CNTNAP5: variants seen among roughly 807,000 people sequenced by gnomAD.
CNTNAP5 encodes the protein contactin associated protein family member 5, also known as contactin-associated protein-like 5.
In CNTNAP5, 72 loss-of-function variants were observed where a neutral mutation model predicts 150.2. The ratio of observed to expected loss-of-function variants is 0.48; its 90% confidence interval spans 0.40 to 0.58. CNTNAP5 has a LOEUF of 0.58. Ranked by LOEUF, CNTNAP5 falls within the 20% of genes least tolerant of loss-of-function variation. The pLI is 0.00. For synonymous variants in CNTNAP5, 672 were observed against 619.8 expected, an observed-to-expected ratio of 1.08 and a Z score of -1.25; for missense variants, 1,636 against 1,626.2, an observed-to-expected ratio of 1.01 and a Z score of -0.10.
chr2:124,331,325 G>T (rs1183145137), intron 3 of CNTNAP5, among the ~76,000 whole-genome samples: 1 of 152,010 alleles, frequency 6.6e-6, no homozygotes, highest in Non-Finnish European at 1.5e-5. Context: ...CCAAAATTAT[G>T]ACTGATAACA....
At chr2:124,113,989 C>G (rs1222942469) in intron 1 of CNTNAP5, among the ~76,000 whole-genome samples, 1 of 151,828 alleles carries the variant, frequency 6.6e-6, no homozygotes, top group Admixed American at 6.6e-5. Context: ...TTTGCCTAAC[C>G]TTGTGCCAAT....
chr2:124,028,418 TAA>T (rs1345966976), intron 1 of CNTNAP5, among the ~76,000 whole-genome samples: 1 of 152,114 alleles, frequency 6.6e-6, no homozygotes, highest in African/African-American at 2.4e-5. Context: ...ATAGATTTTA[TAA>T]GTTTCTAATT....
chr2:124,821,317 T>C (rs1382774070), intron 19 of CNTNAP5, among the ~76,000 whole-genome samples: 3 of 152,196 alleles, frequency 2.0e-5, no homozygotes, highest in Non-Finnish European at 4.4e-5. Flanking sequence ...CTATCCACTT[T>C]CTTTCCCTCC....
intron 20 of CNTNAP5, among the ~76,000 whole-genome samples, chr2:124,865,913 C>T (rs538063722): frequency 6.6e-6 from 1 of 151,618 alleles, no homozygotes; most frequent in East Asian, 1.9e-4. Context: ...CATTGAACTC[C>T]AGCCTGGGAG....
intron 7 of CNTNAP5, among the ~76,000 whole-genome samples, chr2:124,481,388 G>A (rs1328039617): frequency 6.6e-6 from 1 of 152,084 alleles, no homozygotes; most frequent in Non-Finnish European, 1.5e-5. Flanking sequence ...TGAAATTAGT[G>A]TTATGACTTT....
intron 11 of CNTNAP5, among the ~76,000 whole-genome samples, chr2:124,602,084 C>T (rs1314634514): frequency 2.0e-5 from 3 of 152,092 alleles, no homozygotes; most frequent in Admixed American, 6.5e-5. Context: ...GTGGCTCACA[C>T]CTGTAATCCC....
At chr2:124,401,065 C>T (rs1691411478) in intron 3 of CNTNAP5, among the ~76,000 whole-genome samples, 1 of 152,112 alleles carries the variant, frequency 6.6e-6, no homozygotes, top group East Asian at 1.9e-4. Context: ...CGGGGTTTCA[C>T]TATGTTGGCC....
chr2:124,585,138 A>C (rs1696499829), intron 11 of CNTNAP5, among the ~76,000 whole-genome samples: 1 of 152,106 alleles, frequency 6.6e-6, no homozygotes, highest in Non-Finnish European at 1.5e-5. Context: ...TGTTTTTCTC[A>C]CTCACACTGC....
chr2:124,518,278 G>C (rs978622018), intron 8 of CNTNAP5, among the ~76,000 whole-genome samples: 6 of 152,146 alleles, frequency 3.9e-5, no homozygotes, highest in Non-Finnish European at 7.4e-5. Context: ...TATATGCTCT[G>C]TAACTATTTT....
Position 124,185,893 on chromosome 2 carries a change from A to G in CNTNAP5, c.83-35812A>G, listed in dbSNP as rs115273892. On this transcript the variant is annotated intron_variant, in intron 1 of 23. Coordinates refer to ENST00000682447, the MANE Select transcript of CNTNAP5 (RefSeq NM_001367498.1). ...ACTAACTGGTTATAATCCGCTCCTA[A>G]CTAATGAGCAGTTGCTTTATGTTAA... Among the ~76,000 whole-genome samples the G allele has an allele frequency of 9.1e-3, 1,384 of 152,338 alleles. 20 individuals are homozygous for G. The highest frequency in any genetic ancestry group is 0.031 in the African/African-American group (1,300 of 41,590).
At chr2:124,690,897 C>A (rs1313274815) in intron 13 of CNTNAP5, among the ~76,000 whole-genome samples, 1 of 152,016 alleles carries the variant, frequency 6.6e-6, no homozygotes, top group Non-Finnish European at 1.5e-5. Flanking sequence ...GCTATACGGG[C>A]AAAGGGAAAA....
At chr2:124,905,106 GT>G (rs1249373303) in intron 22 of CNTNAP5, among the ~76,000 whole-genome samples, 27 of 113,634 alleles carry the variant, frequency 2.4e-4, no homozygotes, top group Admixed American at 6.0e-4. Context: ...GATGTGAATA[GT>G]TTTTTTTTGT....
intron 3 of CNTNAP5, among the ~76,000 whole-genome samples, chr2:124,333,619 A>G (rs555460448): frequency 2.7e-4 from 41 of 152,198 alleles, no homozygotes; most frequent in Admixed American, 7.9e-4. Flanking sequence ...CCTGTTTTAA[A>G]TAACTGATTG....
In CNTNAP5 at chr2:124,916,611, G is replaced by A. The variant is rs1026340009; in HGVS notation, c.*2323G>A. 2.0e-5 allele frequency among the ~76,000 whole-genome samples: 3 copies of A among 152,048 alleles called. No individual in the cohort carries two copies. Among genetic ancestry groups the A allele is most frequent in the Non-Finnish European group, 4.4e-5 (3 of 67,984 alleles). On this transcript the variant is annotated 3_prime_UTR_variant, in exon 24 of 24. Coordinates refer to ENST00000682447, the MANE Select transcript of CNTNAP5 (RefSeq NM_001367498.1). ...TGACATAGTGCTAATAGAAGAAATG[G>A]AGACTAGCAAAGGCTAACTCAGAGT...
chr2:124,642,379 A>G (rs1437293327), intron 12 of CNTNAP5, among the ~76,000 whole-genome samples: 1 of 152,302 alleles, frequency 6.6e-6, no homozygotes, highest in Non-Finnish European at 1.5e-5. Flanking sequence ...GGCTTAAAAG[A>G]GCAGCTTCAG....
At chr2:124,796,378 C>T (rs1681846765) in intron 18 of CNTNAP5, among the ~76,000 whole-genome samples, 1 of 152,124 alleles carries the variant, frequency 6.6e-6, no homozygotes, top group Admixed American at 6.5e-5. Flanking sequence ...GAGGCAGTAG[C>T]TCAAAATGCA....
At position 124,106,515 on chromosome 2, in the gene CNTNAP5, G is replaced by A. The variant is rs566024614; in HGVS notation, c.82+80783G>A. On this transcript the variant is annotated intron_variant, in intron 1 of 23. Transcript: ENST00000682447. ...TTAAACCTCCATTAAAGCCTGTAAA[G>A]GGGTTTGGAAAGCATCTGTGTCAGT... 9.2e-5 allele frequency among the ~76,000 whole-genome samples: 14 copies of A among 152,302 alleles called. No homozygotes were observed. The South Asian group carries it at 2.7e-3, about 29-fold the overall frequency.
At chr2:124,608,972 A>T (rs1294943528) in intron 11 of CNTNAP5, among the ~76,000 whole-genome samples, 2 of 152,044 alleles carry the variant, frequency 1.3e-5, no homozygotes, top group Non-Finnish European at 2.9e-5. Flanking sequence ...AAAGTCTTTA[A>T]TTAGTAAAAA....
chr2:124,073,120 C>T (rs1011283830), intron 1 of CNTNAP5, among the ~76,000 whole-genome samples: 1 of 151,960 alleles, frequency 6.6e-6, no homozygotes, highest in Non-Finnish European at 1.5e-5. Flanking sequence ...AAGCCAGTCT[C>T]TTCAATAAAT....
Sources: allele counts gnomAD v4.1 joint callset (sites outside exome capture counted in the v4.1 genomes callset), GRCh38; gene constraint gnomAD v4.1.1; transcripts MANE v1.5; gene names NCBI Gene and HGNC (gene_info 2026-07-23, HGNC 2026-07-21).